Variants in TSC22D1 observed in about 807,000 individuals in gnomAD.
TSC22D1 encodes the protein TSC22 domain family protein 1.
A neutral mutation model predicts 74.2 loss-of-function variants in TSC22D1; 9 were observed. That is an observed-to-expected ratio of 0.12 (90% CI 0.07 to 0.21). The LOEUF is 0.21. TSC22D1 is among the 10% of genes least tolerant of loss of function. The pLI is 1.00. For synonymous variants in TSC22D1, 586 were observed against 492.5 expected, an observed-to-expected ratio of 1.19 and a Z score of -2.51; for missense variants, 1,427 against 1,304.7, an observed-to-expected ratio of 1.09 and a Z score of -1.44.
At chr13:44,509,951 A>AAAAAAAAAAAAAAAAAAAAG (rs1879626415) in intron 1 of TSC22D1, among the ~76,000 whole-genome samples, 1 of 37,746 alleles carries the variant, frequency 2.6e-5, no homozygotes, top group African/African-American at 1.4e-4. Flanking sequence ...GAAAATAAGC[A>AAAAAAAAAAAAAAAAAAAAG]AAAAAAAAAA....
chr13:44,566,898 G>A (rs975288383), intron 1 of TSC22D1, among the ~76,000 whole-genome samples: 7 of 152,134 alleles, frequency 4.6e-5, no homozygotes, highest in Admixed American at 4.6e-4. Flanking sequence ...TCAGGAATTG[G>A]CAGTACCACA....
chr13:44,538,768 C>A, intron 1 of TSC22D1: 4 of 985,374 alleles, frequency 4.1e-6, no homozygotes, highest in Non-Finnish European at 4.8e-6. Context: ...TGCATGGATC[C>A]ATTCACCACT....
At chr13:44,553,065 T>C (rs922715750) in intron 1 of TSC22D1, among the ~76,000 whole-genome samples, 5 of 152,144 alleles carry the variant, frequency 3.3e-5, no homozygotes, top group African/African-American at 7.2e-5. Flanking sequence ...ATAATAAATG[T>C]AGAGATGGGC....
intron 1 of TSC22D1, among the ~76,000 whole-genome samples, chr13:44,566,933 A>G (rs908614299): frequency 6.6e-6 from 1 of 152,168 alleles, no homozygotes; most frequent in African/African-American, 2.4e-5. Flanking sequence ...ATGTGGGGGG[A>G]GAAGGTGCTA....
At chr13:44,492,505 A>C (rs1313954227) in intron 1 of TSC22D1, among the ~76,000 whole-genome samples, 1 of 152,192 alleles carries the variant, frequency 6.6e-6, no homozygotes, top group Non-Finnish European at 1.5e-5. Context: ...TGAAAAATGT[A>C]AAACAGACAA....
At chr13:44,519,124 A>G (rs1310358357) in intron 1 of TSC22D1, among the ~76,000 whole-genome samples, 1 of 152,192 alleles carries the variant, frequency 6.6e-6, no homozygotes, top group Non-Finnish European at 1.5e-5. Flanking sequence ...AGAGGATGTT[A>G]TAGTTTAAGT....
chr13:44,490,899 T>C (rs1336322970), intron 1 of TSC22D1, among the ~76,000 whole-genome samples: 1 of 143,936 alleles, frequency 6.9e-6, no homozygotes, highest in Non-Finnish European at 1.5e-5. Flanking sequence ...TGAAACTCCG[T>C]CTCATTAAAA....
chr13:44,557,352 T>C (rs1882721165), intron 1 of TSC22D1, among the ~76,000 whole-genome samples: 1 of 152,228 alleles, frequency 6.6e-6, no homozygotes, highest in South Asian at 2.1e-4. Context: ...TCCCAGCTAC[T>C]TGGGAGGCTG....
chr13:44,461,097 T>C (rs988482125), intron 1 of TSC22D1, among the ~76,000 whole-genome samples: 1 of 152,246 alleles, frequency 6.6e-6, no homozygotes, highest in Non-Finnish European at 1.5e-5. Flanking sequence ...GGAATGTTTA[T>C]TGAACAGCTA....
At chr13:44,572,905 G>A (rs1883869847) in intron 1 of TSC22D1, among the ~76,000 whole-genome samples, 1 of 152,050 alleles carries the variant, frequency 6.6e-6, no homozygotes, top group South Asian at 2.1e-4. Context: ...AAACCACTTG[G>A]CGCCCCCAAA....
intron 1 of TSC22D1, among the ~76,000 whole-genome samples, chr13:44,558,530 A>T (rs905600783): frequency 2.6e-5 from 4 of 152,176 alleles, no homozygotes; most frequent in African/African-American, 9.7e-5. Context: ...GTCTGAGCTC[A>T]GAAGTTCAAG....
chr13:44,472,409 T>C (rs1046264459), intron 1 of TSC22D1, among the ~76,000 whole-genome samples: 2 of 152,214 alleles, frequency 1.3e-5, no homozygotes, highest in African/African-American at 4.8e-5. Context: ...CTTTGCACAC[T>C]GGTATCAATC....
At chr13:44,464,988 C>T (rs1877189008) in intron 1 of TSC22D1, among the ~76,000 whole-genome samples, 1 of 152,142 alleles carries the variant, frequency 6.6e-6, no homozygotes, top group Non-Finnish European at 1.5e-5. Context: ...TAAACTGGTA[C>T]CAACTTTTTG....
Position 44,575,319 on chromosome 13 carries a change from C to T in TSC22D1, c.756G>A (p.Gly252=), listed in dbSNP as rs1187006709. 1.9e-5 allele frequency: 30 copies of T among 1,614,004 alleles called. No individual in the cohort carries two copies. The highest frequency in any genetic ancestry group is 2.5e-5 in the Non-Finnish European group (29 of 1,180,046). Reference sequence around the variant, plus strand: ...TTCTAGATACTGGGCTTGAGGGTGGCCCACCAGTAATGGATGCACTGGCCA... The same window carrying T: ...TTCTAGATACTGGGCTTGAGGGTGGTCCACCAGTAATGGATGCACTGGCCA... The part of the protein sequence containing the change: ...VAVASASITG[G]PPSSPVSRKL... Residue 252 remains glycine (G), a synonymous_variant, in exon 1 of 3, where the codon GGG becomes GGA. Coordinates refer to ENST00000458659, the MANE Select transcript of TSC22D1 (RefSeq NM_183422.4).
chr13:44,520,054 CAA>C (rs1468527961), intron 1 of TSC22D1, among the ~76,000 whole-genome samples: 1 of 152,022 alleles, frequency 6.6e-6, no homozygotes, highest in African/African-American at 2.4e-5. Flanking sequence ...CTGGGACACC[CAA>C]AAAGAGAAGT....
At chr13:44,483,646 C>G (rs1326474988) in intron 1 of TSC22D1, among the ~76,000 whole-genome samples, 1 of 145,068 alleles carries the variant, frequency 6.9e-6, no homozygotes, top group African/African-American at 2.6e-5. Context: ...CCAGCCTGGG[C>G]GACAGAGCGA....
At chr13:44,454,671 G>C (rs1425430439) in intron 1 of TSC22D1, among the ~76,000 whole-genome samples, 1 of 152,106 alleles carries the variant, frequency 6.6e-6, no homozygotes, top group Non-Finnish European at 1.5e-5. Context: ...CTACTTGTCA[G>C]TCCCTATTCT....
intron 1 of TSC22D1, among the ~76,000 whole-genome samples, chr13:44,461,796 C>A (rs527963586): frequency 1.3e-5 from 2 of 152,236 alleles, no homozygotes; most frequent in African/African-American, 2.4e-5. Flanking sequence ...TGAGCCCCAG[C>A]CAATCAGAAC....
At chr13:44,464,955 A>T (rs1353381946) in intron 1 of TSC22D1, among the ~76,000 whole-genome samples, 1 of 152,162 alleles carries the variant, frequency 6.6e-6, no homozygotes, top group East Asian at 1.9e-4. Context: ...TTTAATACCT[A>T]CCATTAGAGC....
Sources: gnomAD v4.1 joint callset for allele counts (sites outside exome capture counted in the v4.1 genomes callset) on GRCh38, gnomAD v4.1.1 for gene constraint, MANE v1.5 for transcripts, NCBI Gene and HGNC (gene_info 2026-07-23, HGNC 2026-07-21) for gene names.